MCCC2: variants seen among roughly 807,000 people sequenced by gnomAD.
The protein encoded by MCCC2 is methylcrotonyl-CoA carboxylase subunit 2, also known as methylcrotonoyl-CoA carboxylase beta chain, mitochondrial.
A neutral mutation model predicts 77.2 loss-of-function variants in MCCC2; 52 were observed. That is an observed-to-expected ratio of 0.67 (90% CI 0.54 to 0.85). The LOEUF (loss-of-function observed/expected upper bound fraction) is 0.85. MCCC2 is among the 40% of genes least tolerant of loss of function. MCCC2 has a pLI of 0.00. For synonymous variants in MCCC2, 253 were observed against 248.4 expected (o/e 1.02, Z -0.18); for missense variants, 682 against 703.2 (o/e 0.97, Z 0.34).
intron 10 of MCCC2, among the ~76,000 whole-genome samples, chr5:71,639,630 A>T (rs1747053164): frequency 6.6e-6 from 1 of 152,190 alleles, no homozygotes; most frequent in Admixed American, 6.5e-5. Flanking sequence ...AAGATAAGTG[A>T]ATGTATTTTA....
chr5:71,603,698 C>T (rs1477844625), intron 5 of MCCC2, among the ~76,000 whole-genome samples: 3 of 152,244 alleles, frequency 2.0e-5, no homozygotes, highest in East Asian at 1.9e-4. Context: ...CTGTCTTCAG[C>T]GAGCTCATAA....
At chr5:71,630,919 G>A (rs758714776) in intron 7 of MCCC2, among the ~76,000 whole-genome samples, 7 of 152,074 alleles carry the variant, frequency 4.6e-5, no homozygotes, top group Admixed American at 2.0e-4. Flanking sequence ...AAAGAAATAG[G>A]AATCAATAAA....
At chr5:71,631,889 G>A (rs901105309) in intron 7 of MCCC2, among the ~76,000 whole-genome samples, 2 of 152,076 alleles carry the variant, frequency 1.3e-5, no homozygotes, top group African/African-American at 4.8e-5. Context: ...TCCATTGCTT[G>A]CTATGGACTG....
chr5:71,598,336 C>T (rs199964554), intron 3 of MCCC2, among the ~76,000 whole-genome samples: 2 of 151,454 alleles, frequency 1.3e-5, no homozygotes, highest in Admixed American at 6.6e-5. Flanking sequence ...CCCAAAGTGC[C>T]GGGATTACAG....
chr5:71,614,810 A>C (rs962107078), intron 6 of MCCC2, among the ~76,000 whole-genome samples: 3 of 151,838 alleles, frequency 2.0e-5, no homozygotes, highest in African/African-American at 7.3e-5. Flanking sequence ...AAAATGAAAA[A>C]ATTTTTTATC....
chr5:71,610,522 C>G (rs956068254), intron 6 of MCCC2, among the ~76,000 whole-genome samples: 1 of 152,182 alleles, frequency 6.6e-6, no homozygotes, highest in Non-Finnish European at 1.5e-5. Context: ...AGAAATCACC[C>G]GTCTTCTGCG....
intron 2 of MCCC2, among the ~76,000 whole-genome samples, chr5:71,594,985 G>C (rs1580271880): frequency 6.7e-6 from 1 of 148,990 alleles, no homozygotes; most frequent in Non-Finnish European, 1.5e-5. Context: ...TACAACCTTG[G>C]CCCCCCGGGT....
intron 6 of MCCC2, among the ~76,000 whole-genome samples, chr5:71,619,373 C>A (rs575021319): frequency 1.3e-5 from 2 of 152,218 alleles, no homozygotes; most frequent in South Asian, 4.2e-4. Context: ...CCTGCCTCAG[C>A]CTCCCAAGTG....
At position 71,604,377 on chromosome 5, in the gene MCCC2, T is replaced by TAA; in HGVS notation, c.534_535insAA (p.Pro179AsnfsTer95). On this transcript the variant is annotated frameshift_variant, in exon 6 of 17. Coordinates refer to ENST00000340941, the MANE Select transcript of MCCC2 (RefSeq NM_022132.5). LOFTEE classifies it high-confidence loss of function. The stretch of plus-strand genomic sequence containing the variant: ...TCAGTTGATTCGGGAGGAGCATACT[T>TAA]ACCTCGACAAGCAGATGTGTTTCCA... 6.2e-7 allele frequency: 1 copy of TAA among 1,614,158 alleles called. No individual in the cohort carries two copies. The highest frequency in any genetic ancestry group is 8.5e-7 in the Non-Finnish European group (1 of 1,180,008).
At chr5:71,616,119 G>GT (rs1561833884) in intron 6 of MCCC2, among the ~76,000 whole-genome samples, 18 of 152,330 alleles carry the variant, frequency 1.2e-4, no homozygotes, top group African/African-American at 3.8e-4. Context: ...TTCCCACTCC[G>GT]CGGGGACAGA....
At chr5:71,618,340 C>T (rs1453539118) in intron 6 of MCCC2, among the ~76,000 whole-genome samples, 1 of 152,206 alleles carries the variant, frequency 6.6e-6, no homozygotes, top group Non-Finnish European at 1.5e-5. Flanking sequence ...GTCTCACACA[C>T]ACTTGCCCTC....
intron 15 of MCCC2, among the ~76,000 whole-genome samples, chr5:71,651,310 A>G (rs983901625): frequency 2.0e-5 from 3 of 152,226 alleles, no homozygotes; most frequent in South Asian, 4.1e-4. Flanking sequence ...CTGTGTATAA[A>G]TGAAGAAAAA....
chr5:71,598,226 A>G (rs1012731406), intron 3 of MCCC2, among the ~76,000 whole-genome samples: 1 of 150,154 alleles, frequency 6.7e-6, no homozygotes, highest in Non-Finnish European at 1.5e-5. Flanking sequence ...GTGCACCACC[A>G]TGCCCAGCTA....
intron 16 of MCCC2, 98 bp downstream of exon 16, chr5:71,652,852 A>G: frequency 9.9e-7 from 1 of 1,005,242 alleles, no homozygotes; most frequent in African/African-American, 1.6e-5. Context: ...TCCAGCATTC[A>G]TAGGAACTGG....
chr5:71,645,284 G>A (rs1747245896), intron 12 of MCCC2, among the ~76,000 whole-genome samples: 1 of 152,092 alleles, frequency 6.6e-6, no homozygotes, highest in Non-Finnish European at 1.5e-5. Context: ...TATTGAAGTC[G>A]AGCAATTACT....
At chr5:71,643,984 A>G in intron 12 of MCCC2, 89 bp downstream of exon 12, 6 of 1,553,202 alleles carry the variant, frequency 3.9e-6, no homozygotes, top group Non-Finnish European at 3.5e-6. Context: ...TTATTGCATA[A>G]AAATGCTTAA....
intron 3 of MCCC2, among the ~76,000 whole-genome samples, chr5:71,598,162 C>T (rs1479069726): frequency 6.6e-6 from 1 of 150,934 alleles, no homozygotes; most frequent in East Asian, 2.0e-4. Context: ...ACCTCCGCCT[C>T]CTGGGTTCAA....
chr5:71,630,949 T>C (rs939548122), intron 7 of MCCC2, among the ~76,000 whole-genome samples: 6 of 152,214 alleles, frequency 3.9e-5, no homozygotes, highest in Non-Finnish European at 7.3e-5. Context: ...AGGGGTTGGA[T>C]TGGCATTTAG....
chr5:71,629,140 G>T (rs1157959673), intron 7 of MCCC2, among the ~76,000 whole-genome samples: 1 of 151,586 alleles, frequency 6.6e-6, no homozygotes, highest in Non-Finnish European at 1.5e-5. Flanking sequence ...GGAGGCGGAG[G>T]TTGCAGTGGG....
Sources: allele counts gnomAD v4.1 joint callset (sites outside exome capture counted in the v4.1 genomes callset), GRCh38; gene constraint gnomAD v4.1.1; transcripts MANE v1.5; gene names NCBI Gene and HGNC (gene_info 2026-07-23, HGNC 2026-07-21).